The following HEATR5A variants were observed in gnomAD, a reference collection of about 807,000 sequenced individuals.
The protein encoded by HEATR5A is HEAT repeat-containing protein 5A.
HEATR5A carries 178 observed loss-of-function variants against 218.8 expected under a neutral mutation model. That is an observed-to-expected ratio of 0.81 (90% CI 0.72 to 0.92). The LOEUF (loss-of-function observed/expected upper bound fraction) is 0.92. Among genes scored for constraint, HEATR5A ranks in the 40% least tolerant of loss-of-function variants. The pLI is 0.00. For missense variants in HEATR5A, 2,420 were observed against 2,418.9 expected (o/e 1.00, Z -0.01); for synonymous variants, 864 against 871.6 (o/e 0.99, Z 0.15).
intron 22 of HEATR5A, among the ~76,000 whole-genome samples, chr14:31,335,609 A>G (rs929472475): frequency 1.3e-5 from 2 of 152,212 alleles, no homozygotes; most frequent in Non-Finnish European, 2.9e-5. Flanking sequence ...TGAAGTCTAT[A>G]ACTTTCTAAA....
chr14:31,316,926 G>T (rs918122330), intron 26 of HEATR5A, among the ~76,000 whole-genome samples: 4 of 152,044 alleles, frequency 2.6e-5, no homozygotes, highest in African/African-American at 9.7e-5. Context: ...GAACTCAAGT[G>T]AGCCACTTGC....
intron 25 of HEATR5A, chr14:31,320,421 C>A: frequency 8.2e-7 from 1 of 1,224,314 alleles, no homozygotes; most frequent in South Asian, 1.2e-5. Flanking sequence ...GCTGACCCAG[C>A]ACCAATAAAC....
rs144905993 is a variant in HEATR5A, at chr14:31,335,745, C to T, written c.3367+1731G>A. Among the ~76,000 whole-genome samples the T allele has an allele frequency of 8.9e-3, 1,348 of 152,286 alleles. 14 individuals carry two copies. The highest frequency in any genetic ancestry group is 0.031 in the African/African-American group (1,275 of 41,550). ...TTCGGCCCACTACAACCTCCCCCTC[C>T]TGGGTTCAACTGATTCTTGTGCCTC... is the stretch of plus-strand genomic sequence containing the variant. On this transcript the variant is annotated intron_variant, in intron 22 of 35. Transcript: ENST00000543095.
chr14:31,380,660 AAATT>A (rs1274720448), intron 10 of HEATR5A, 82 bp from the exon 11 acceptor site: 10 of 836,230 alleles, frequency 1.2e-5, no homozygotes, highest in Middle Eastern at 4.5e-4. Flanking sequence ...ATATCTTGAA[AAATT>A]AATTCTTACA....
At chr14:31,327,451 G>A (rs1419302965) in intron 22 of HEATR5A, among the ~76,000 whole-genome samples, 1 of 151,000 alleles carries the variant, frequency 6.6e-6, no homozygotes, top group African/African-American at 2.4e-5. Flanking sequence ...CCACCACCAC[G>A]CCCTGCTAAT....
intron 6 of HEATR5A, among the ~76,000 whole-genome samples, chr14:31,391,256 C>T (rs1388589683): frequency 6.6e-6 from 1 of 152,140 alleles, no homozygotes; most frequent in African/African-American, 2.4e-5. Context: ...CATGCCTCAG[C>T]CTCCCAAGCA....
intron 3 of HEATR5A, 101 bp from the exon 4 acceptor site, chr14:31,398,882 CTCTTG>C (rs2030759913): frequency 1.5e-5 from 10 of 656,540 alleles, no homozygotes; most frequent in Non-Finnish European, 2.1e-5. Flanking sequence ...ATCCCCCATT[CTCTTG>C]TCTTTTTACT....
chr14:31,335,190 T>C (rs1373785202), intron 22 of HEATR5A, among the ~76,000 whole-genome samples: 1 of 152,124 alleles, frequency 6.6e-6, no homozygotes, highest in East Asian at 1.9e-4. Context: ...GACTACAGTA[T>C]AGTACAAACA....
chr14:31,295,936 T>C lies in HEATR5A; in HGVS notation c.5592A>G (p.Lys1864=), dbSNP rs1373389394. ...CAGGATCTTTTATCTCAAGAGTAGC[T>C]TTAAATTTATCAATACAGCGCTTCT... ...CLQKRCIDKF[K]ATLEIKDPVV... is the part of the protein sequence containing the mutation. Residue 1864 remains lysine, a synonymous_variant, in exon 34 of 36, where the codon AAA becomes AAG. Transcript: ENST00000543095. 3 of 1,613,620 alleles carry C rather than the reference T, an allele frequency of 1.9e-6. No homozygotes were observed. The highest frequency in any genetic ancestry group is 1.3e-5 in the African/African-American group (1 of 74,906).
At position 31,313,091 on chromosome 14, in the gene HEATR5A, C is replaced by T; in HGVS notation, c.4318G>A (p.Asp1440Asn). 2 of 1,613,766 alleles carry T rather than the reference C, an allele frequency of 1.2e-6. No individual in the cohort carries two copies. Among genetic ancestry groups the T allele is most frequent in the Non-Finnish European group, 1.7e-6 (2 of 1,179,718 alleles). Residue 1440 changes from aspartate (D) to asparagine (N), a missense_variant, in exon 28 of 36, where the codon GAT (aspartate) becomes AAT (asparagine). Asp to Asn is a conservative substitution (Grantham distance 23). Transcript: ENST00000543095. ...GCATAGACTAAGTCAAGCAGTCCAT[C>T]TGATGAACATGATCCATTTCTGATA... ...DGIRNGSCSS[D>N]GLLDLVYADL...
chr14:31,346,275 T>C (rs1901018786), intron 19 of HEATR5A, among the ~76,000 whole-genome samples: 1 of 152,136 alleles, frequency 6.6e-6, no homozygotes, highest in African/African-American at 2.4e-5. Flanking sequence ...ACTAGGTACA[T>C]TCAGAATAGA....
At chr14:31,361,168 A>G (rs1469233848) in intron 14 of HEATR5A, among the ~76,000 whole-genome samples, 1 of 152,216 alleles carries the variant, frequency 6.6e-6, no homozygotes, top group African/African-American at 2.4e-5. Flanking sequence ...GCTTTTAACC[A>G]CCGTGCTGAA....
intron 1 of HEATR5A, among the ~76,000 whole-genome samples, chr14:31,407,604 A>ATTTATATATATATATATATATATATATT (rs1265606928): frequency 2.1e-3 from 3 of 1,426 alleles, no homozygotes; most frequent in African/African-American, 3.3e-3. Context: ...ATATATATAT[A>ATTTATATATATATATATATATATATATT]TATATATATA....
At chr14:31,396,129 G>A (rs566792102) in intron 4 of HEATR5A, among the ~76,000 whole-genome samples, 3 of 152,206 alleles carry the variant, frequency 2.0e-5, no homozygotes, top group African/African-American at 7.2e-5. Flanking sequence ...GGCCAAGGTG[G>A]GCCGATTGCT....
At chr14:31,372,167 T>C (rs1396555117) in intron 12 of HEATR5A, among the ~76,000 whole-genome samples, 1 of 150,788 alleles carries the variant, frequency 6.6e-6, no homozygotes, top group Admixed American at 6.6e-5. Flanking sequence ...TCTAGGGTTT[T>C]ACTTTTACTC....
chr14:31,313,637 G>A (rs1217507978), intron 27 of HEATR5A, among the ~76,000 whole-genome samples: 1 of 152,118 alleles, frequency 6.6e-6, no homozygotes, highest in African/African-American at 2.4e-5. Flanking sequence ...GTTAAAGTAA[G>A]CAACACAGTG....
chr14:31,311,148 T>C (rs1027133201), intron 28 of HEATR5A, among the ~76,000 whole-genome samples: 1 of 151,940 alleles, frequency 6.6e-6, no homozygotes, highest in Non-Finnish European at 1.5e-5. Context: ...AAAAATACAA[T>C]GATAGCTAAG....
intron 1 of HEATR5A, among the ~76,000 whole-genome samples, chr14:31,409,990 C>T (rs766754986): frequency 1.8e-4 from 27 of 151,784 alleles, no homozygotes; most frequent in Non-Finnish European, 3.5e-4. Context: ...ATTTCAAGGG[C>T]GGAAAAGGGA....
At chr14:31,319,293 C>T (rs1900012033) in intron 25 of HEATR5A, among the ~76,000 whole-genome samples, 1 of 152,048 alleles carries the variant, frequency 6.6e-6, no homozygotes, top group Admixed American at 6.6e-5. Flanking sequence ...GCTGGGATTA[C>T]AGGCGTCTGT....
Sources: allele counts gnomAD v4.1 joint callset (sites outside exome capture counted in the v4.1 genomes callset), GRCh38; gene constraint gnomAD v4.1.1; transcripts MANE v1.5; gene names NCBI Gene and HGNC (gene_info 2026-07-23, HGNC 2026-07-21).